PCDHGB4: variants seen among roughly 807,000 people sequenced by gnomAD.
The protein encoded by PCDHGB4 is protocadherin gamma-B4.
Under a neutral mutation model 60.5 loss-of-function variants are expected in PCDHGB4, and 38 were observed. The observed-to-expected ratio is 0.63, with a 90% CI of 0.48 to 0.82. The LOEUF (loss-of-function observed/expected upper bound fraction) is 0.82. Among genes scored for constraint, PCDHGB4 ranks in the 40% least tolerant of loss-of-function variants. PCDHGB4 has a pLI of 0.00. For synonymous variants in PCDHGB4, 456 were observed against 509.7 expected, an observed-to-expected ratio of 0.89 and a Z score of 1.42; for missense variants, 1,109 against 1,209.6, an observed-to-expected ratio of 0.92 and a Z score of 1.23.
chr5:141,396,112 A>G (rs916569843), intron 1 of PCDHGB4: 4 of 152,232 alleles, frequency 2.6e-5, no homozygotes, highest in Non-Finnish European at 2.9e-5. Flanking sequence ...TTAAGAACCA[A>G]TGTTTCAGGT....
chr5:141,446,854 C>T (rs1474444931), intron 1 of PCDHGB4, among the ~76,000 whole-genome samples: 1 of 152,134 alleles, frequency 6.6e-6, no homozygotes, highest in Non-Finnish European at 1.5e-5. Context: ...AATAAGCTTC[C>T]TGATAGCTCT....
chr5:141,481,691 C>G (rs929210528), intron 1 of PCDHGB4, among the ~76,000 whole-genome samples: 3 of 152,080 alleles, frequency 2.0e-5, no homozygotes, highest in African/African-American at 4.8e-5. Context: ...TGGTGGCTCA[C>G]GCCTGTAATC....
chr5:141,421,515 CTG>C, intron 1 of PCDHGB4: 1 of 1,614,080 alleles, frequency 6.2e-7, no homozygotes, highest in Non-Finnish European at 8.5e-7. Context: ...GGGAGGAGCT[CTG>C]TGAGACGGTG....
In PCDHGB4 at chr5:141,390,142, G is replaced by A. The variant is rs2092062384; in HGVS notation, c.2258G>A (p.Cys753Tyr). 10 of 1,614,022 alleles carry A rather than the reference G, an allele frequency of 6.2e-6. No homozygotes were observed. The highest frequency in any genetic ancestry group is 8.5e-6 in the Non-Finnish European group (10 of 1,179,902). The change falls in exon 1 of 4, where the codon TGT (cysteine) becomes TAT (tyrosine). Residue 753 changes from cysteine to tyrosine, a missense_variant. By Grantham distance (194) the Cys-to-Tyr change is radical. Coordinates refer to ENST00000519479, the MANE Select transcript of PCDHGB4 (RefSeq NM_003736.4). Reference protein sequence around the residue: ...EGTLPYSYNLCVAHTGKTEFN... With the variant: ...EGTLPYSYNLYVAHTGKTEFN... ...ACTTTGCCTTATTCCTACAATCTAT[G>A]TGTTGCACATACAGGAAAGACGGAG...
rs750928530 is a variant in PCDHGB4 at position 141,490,174 on chromosome 5, G to T, written c.2398-4633G>T. 1 of 1,614,056 alleles carries T rather than the reference G, an allele frequency of 6.2e-7. No individual in the cohort carries two copies. Among genetic ancestry groups the T allele is most frequent in the South Asian group, 1.1e-5 (1 of 91,086 alleles). ...TGTGTTGGGTCCCATAGACTTTGAG[G>T]AGTCACGTTTCTATGAAATTCATGC... On this transcript the variant is annotated intron_variant, in intron 1 of 3. Transcript: ENST00000519479. This position sits in a 1 kb window ranked among gnomAD's most constrained non-coding sequence, Gnocchi z 5.4.
At chr5:141,504,288 GT>G (rs1175142876) in intron 2 of PCDHGB4, among the ~76,000 whole-genome samples, 1 of 152,124 alleles carries the variant, frequency 6.6e-6, no homozygotes, top group Non-Finnish European at 1.5e-5. Flanking sequence ...ATCATTTCAT[GT>G]TTTTTCAACA....
At chr5:141,483,648 TTGTGTGTGTG>T (rs111458813) in intron 1 of PCDHGB4, among the ~76,000 whole-genome samples, 35 of 149,708 alleles carry the variant, frequency 2.3e-4, no homozygotes, top group Non-Finnish European at 4.6e-4. Flanking sequence ...GGGTGTGTGT[TTGTGTGTGTG>T]TGTGTGTGTG....
At chr5:141,426,986 C>A (rs764345099) in intron 1 of PCDHGB4, 6 of 456,618 alleles carry the variant, frequency 1.3e-5, no homozygotes, top group Non-Finnish European at 2.2e-5. Flanking sequence ...CTGATGCCAA[C>A]GATAATGCCC....
intron 1 of PCDHGB4, chr5:141,429,167 T>TATAC (rs1240034860): frequency 3.1e-4 from 42 of 136,210 alleles, no homozygotes; most frequent in African/African-American, 7.0e-4. Flanking sequence ...AGACATTGTT[T>TATAC]ATACACACAC....
rs1561685937 is a variant in PCDHGB4 at position 141,403,112 on chromosome 5, C to T, written c.2397+12831C>T. On this transcript the variant is annotated intron_variant, in intron 1 of 3. Coordinates refer to ENST00000519479, the MANE Select transcript of PCDHGB4 (RefSeq NM_003736.4). ...GGGCAACATCTCCAAGGACCTGGCT[C>T]TGGAGCCCCGGGAGCTGGCGGAGCG... 5.6e-6 allele frequency: 9 copies of T among 1,614,074 alleles called. No individual in the cohort carries two copies. In the East Asian group the frequency reaches 2.0e-4, roughly 36 times the overall value.
chr5:141,488,634 G>A (rs937680420), intron 1 of PCDHGB4, among the ~76,000 whole-genome samples: 4 of 152,150 alleles, frequency 2.6e-5, no homozygotes, highest in Non-Finnish European at 4.4e-5. Context: ...CACCTTAGCA[G>A]CATTCAGCAG....
intron 1 of PCDHGB4, chr5:141,415,899 G>A (rs1224954481): frequency 1.2e-6 from 1 of 869,552 alleles, no homozygotes; most frequent in Non-Finnish European, 1.6e-6. Flanking sequence ...TCCTAAGACA[G>A]ACTTCCATAC....
intron 1 of PCDHGB4, chr5:141,427,468 C>T: frequency 2.0e-6 from 1 of 509,312 alleles, no homozygotes; most frequent in Middle Eastern, 3.0e-4. Flanking sequence ...ATCGAATCTT[C>T]CGCCAATAAT....
chr5:141,456,098 C>A (rs1222639126), intron 1 of PCDHGB4, among the ~76,000 whole-genome samples: 1 of 151,980 alleles, frequency 6.6e-6, no homozygotes. Context: ...GGGATTTCAC[C>A]GTGTTAGCCA....
Position 141,468,837 on chromosome 5 carries a change from G to A in PCDHGB4, c.2398-25970G>A, listed in dbSNP as rs550455857. ...GCCAAGATCAAGCCACTGCACTCCA[G>A]CCTGGGCAACAGAGCGAGACTCCAT... On this transcript the variant is annotated intron_variant, in intron 1 of 3. Transcript: ENST00000519479. 3.3e-5 allele frequency among the ~76,000 whole-genome samples: 5 copies of A among 152,228 alleles called. No homozygotes were observed. The East Asian group carries it at 9.7e-4, about 29-fold the overall frequency.
chr5:141,423,972 T>A (rs1459859824), intron 1 of PCDHGB4: 2 of 1,128,544 alleles, frequency 1.8e-6, no homozygotes, highest in African/African-American at 3.3e-5. Flanking sequence ...CTATTATCAG[T>A]GTATGAGGCT....
At chr5:141,397,277 C>A (rs920366365) in intron 1 of PCDHGB4, among the ~76,000 whole-genome samples, 1 of 151,970 alleles carries the variant, frequency 6.6e-6, no homozygotes. Flanking sequence ...ATCATATGGG[C>A]AGTATACTTG....
chr5:141,431,932 CT>C lies in PCDHGB4; in HGVS notation c.2397+41654del, dbSNP rs748715936. ...TCTGTTTCATCCAAGGAAATCTGCC[CT>C]TTAAATTAGAAAAATCTTACGGAAA... On this transcript the variant is annotated intron_variant, in intron 1 of 3. Transcript: ENST00000519479. The surrounding 1 kb of genome is among the most constrained non-coding windows in gnomAD (Gnocchi z 4.8). The C allele has an allele frequency of 6.2e-7, 1 of 1,614,172 alleles. No individual in the cohort carries two copies. Among genetic ancestry groups the C allele is most frequent in the Non-Finnish European group, 8.5e-7 (1 of 1,180,002 alleles).
intron 1 of PCDHGB4, chr5:141,479,325 A>C (rs2099492835): frequency 6.6e-6 from 1 of 152,648 alleles, no homozygotes; most frequent in South Asian, 2.1e-4. Context: ...AGCCAGACTC[A>C]GTGGTGTGCA....
Sources: allele counts gnomAD v4.1 joint callset (sites outside exome capture counted in the v4.1 genomes callset), GRCh38; gene constraint gnomAD v4.1.1; non-coding constraint Gnocchi (gnomAD v3.1); transcripts MANE v1.5; gene names NCBI Gene and HGNC (gene_info 2026-07-23, HGNC 2026-07-21).